Variants in SORCS2 observed in about 807,000 individuals in gnomAD.
SORCS2 encodes the protein sortilin related VPS10 domain containing receptor 2, also known as VPS10 domain-containing receptor SorCS2.
In SORCS2, 100 loss-of-function variants were observed where a neutral mutation model predicts 141.6. The ratio of observed to expected loss-of-function variants is 0.71; its 90% confidence interval spans 0.60 to 0.83. SORCS2 has a LOEUF of 0.83. SORCS2 is among the 40% of genes least tolerant of loss of function. The probability of loss-of-function intolerance (pLI) is 0.00; values close to 1 mark genes in which losing one functional copy is unlikely to be tolerated. For missense variants in SORCS2, 1,646 were observed against 1,560.2 expected (o/e 1.05, Z -0.93); for synonymous variants, 789 against 676.9 (o/e 1.17, Z -2.57).
At chr4:7,320,790 C>G (rs539565047) in intron 1 of SORCS2, among the ~76,000 whole-genome samples, 1 of 152,176 alleles carries the variant, frequency 6.6e-6, no homozygotes. Context: ...GATGCTCCTA[C>G]TCCTTTGTCA....
At chr4:7,737,498 C>G (rs1245969923) in intron 26 of SORCS2, among the ~76,000 whole-genome samples, 1 of 152,190 alleles carries the variant, frequency 6.6e-6, no homozygotes, top group Non-Finnish European at 1.5e-5. Flanking sequence ...TGAAAGGAAG[C>G]CTGACTCGGG....
At chr4:7,533,023 G>T (rs139440337) in intron 3 of SORCS2, among the ~76,000 whole-genome samples, 1 of 151,808 alleles carries the variant, frequency 6.6e-6, no homozygotes, top group East Asian at 2.0e-4. Flanking sequence ...CTTCTTCCCA[G>T]CCCCAGCCCT....
intron 1 of SORCS2, among the ~76,000 whole-genome samples, chr4:7,309,365 C>T (rs1189381964): frequency 6.6e-6 from 1 of 152,160 alleles, no homozygotes; most frequent in Non-Finnish European, 1.5e-5. Flanking sequence ...ACCTGTAAAC[C>T]ACACGGGAGC....
intron 2 of SORCS2, among the ~76,000 whole-genome samples, chr4:7,512,235 G>A (rs1240693457): frequency 6.6e-6 from 1 of 151,998 alleles, no homozygotes; most frequent in Non-Finnish European, 1.5e-5. Flanking sequence ...CATGCCCAAG[G>A]CATCTCTGTG....
chr4:7,680,533 C>T (rs28459231), intron 9 of SORCS2, among the ~76,000 whole-genome samples: 9,096 of 152,346 alleles, frequency 0.06, 405 homozygotes, highest in African/African-American at 0.11. Flanking sequence ...TGGCTCCTCC[C>T]GGCCCCTGGG....
At chr4:7,582,683 G>A (rs1388144050) in intron 3 of SORCS2, among the ~76,000 whole-genome samples, 2 of 152,110 alleles carry the variant, frequency 1.3e-5, no homozygotes, top group African/African-American at 4.8e-5. Context: ...AGCAATTAAA[G>A]GATATAAAAA....
intron 1 of SORCS2, among the ~76,000 whole-genome samples, chr4:7,346,736 G>GCACCTAACATATA (rs1481378038): frequency 2.0e-5 from 3 of 152,154 alleles, no homozygotes; most frequent in Non-Finnish European, 4.4e-5. Context: ...ATATATATTT[G>GCACCTAACATATA]TACTTGTTAT....
At chr4:7,641,403 T>C (rs1343214124) in intron 4 of SORCS2, among the ~76,000 whole-genome samples, 1 of 152,130 alleles carries the variant, frequency 6.6e-6, no homozygotes, top group Non-Finnish European at 1.5e-5. Flanking sequence ...GAGAACTCAC[T>C]CATTATCACA....
intron 2 of SORCS2, among the ~76,000 whole-genome samples, chr4:7,413,391 C>CTTTTTTTTGTTTTTTTTTTTTTT (rs1725451610): frequency 2.4e-5 from 2 of 84,832 alleles, no homozygotes; most frequent in Non-Finnish European, 4.4e-5. Flanking sequence ...TTCACAGCTG[C>CTTTTTTTTGTTTTTTTTTTTTTT]TTTTTTTTTT....
chr4:7,464,185 G>A (rs1250311938), intron 2 of SORCS2, among the ~76,000 whole-genome samples: 3 of 152,178 alleles, frequency 2.0e-5, no homozygotes, highest in South Asian at 2.1e-4. Context: ...ACCATCAGGC[G>A]ATGTCACAGT....
chr4:7,472,393 T>C (rs543756673), intron 2 of SORCS2, among the ~76,000 whole-genome samples: 14 of 152,180 alleles, frequency 9.2e-5, no homozygotes, highest in East Asian at 1.9e-4. Flanking sequence ...GTGGACGGCA[T>C]GTTCCCCGCC....
chr4:7,455,886 C>T (rs759633180), intron 2 of SORCS2, among the ~76,000 whole-genome samples: 6 of 152,152 alleles, frequency 3.9e-5, no homozygotes, highest in African/African-American at 7.2e-5. Context: ...TGGTATCAGG[C>T]GCCGGGTTAG....
intron 1 of SORCS2, among the ~76,000 whole-genome samples, chr4:7,273,975 C>T (rs760128658): frequency 4.6e-5 from 7 of 152,220 alleles, no homozygotes; most frequent in Admixed American, 1.3e-4. Context: ...CCCTCACAGG[C>T]GGAACAGAGC....
intron 1 of SORCS2, among the ~76,000 whole-genome samples, chr4:7,264,097 C>T (rs1156823979): frequency 6.6e-6 from 1 of 152,166 alleles, no homozygotes; most frequent in Non-Finnish European, 1.5e-5. Context: ...AGACAGTGAC[C>T]ACACAGGGTC....
intron 2 of SORCS2, among the ~76,000 whole-genome samples, chr4:7,527,569 T>C (rs893016617): frequency 1.3e-5 from 2 of 152,140 alleles, no homozygotes; most frequent in Non-Finnish European, 2.9e-5. Flanking sequence ...ACACCTTGAT[T>C]AGCCCTGTAA....
At chr4:7,393,537 C>A (rs1313023492) in intron 1 of SORCS2, among the ~76,000 whole-genome samples, 1 of 152,198 alleles carries the variant, frequency 6.6e-6, no homozygotes, top group Non-Finnish European at 1.5e-5. Flanking sequence ...CAAATTCTAG[C>A]TCTGCCGCTT....
intron 8 of SORCS2, among the ~76,000 whole-genome samples, chr4:7,669,101 G>A (rs1454073802): frequency 2.6e-5 from 4 of 152,190 alleles, no homozygotes; most frequent in South Asian, 2.1e-4. Flanking sequence ...CATGTCTCCC[G>A]CTGTGGACCC....
chr4:7,210,334 T>G (rs1577278878), intron 1 of SORCS2, among the ~76,000 whole-genome samples: 1 of 152,306 alleles, frequency 6.6e-6, no homozygotes, highest in South Asian at 2.1e-4. Flanking sequence ...CAGGCTGGAG[T>G]GCAATGCTGC....
At chr4:7,367,656 G>A (rs921021927) in intron 1 of SORCS2, among the ~76,000 whole-genome samples, 1 of 152,234 alleles carries the variant, frequency 6.6e-6, no homozygotes, top group Non-Finnish European at 1.5e-5. Context: ...CCCCTGCCAG[G>A]CCTGACGCTT....
Sources: allele counts gnomAD v4.1 joint callset (sites outside exome capture counted in the v4.1 genomes callset), GRCh38; gene constraint gnomAD v4.1.1; transcripts MANE v1.5; gene names NCBI Gene and HGNC (gene_info 2026-07-23, HGNC 2026-07-21).